ERO1A: variants seen among roughly 807,000 people sequenced by gnomAD.
The protein encoded by ERO1A is endoplasmic reticulum oxidoreductase 1 alpha, also known as ERO1-like protein alpha.
In ERO1A, 49 loss-of-function variants were observed where a neutral mutation model predicts 76.9. The ratio of observed to expected loss-of-function variants is 0.64; its 90% CI spans 0.51 to 0.81. The LOEUF (loss-of-function observed/expected upper bound fraction) is 0.81, where lower values mean the gene tolerates loss of function less well. ERO1A is among the 30% of genes least tolerant of loss of function. The pLI is 0.00. For missense variants in ERO1A, 448 were observed against 542.1 expected, an observed-to-expected ratio of 0.83 and a Z score of 1.72; for synonymous variants, 174 against 181.2, an observed-to-expected ratio of 0.96 and a Z score of 0.32.
rs111544997 is a variant in ERO1A at position 52,670,520 on chromosome 14, C to T, written c.508+1110G>A. Among the ~76,000 whole-genome samples the T allele has an allele frequency of 6.2e-3, 947 of 152,306 alleles. 9 individuals carry two copies. The highest frequency in any genetic ancestry group is 0.022 in the African/African-American group (905 of 41,556). ...TCAGCCTCCTGAGTAGCTGGGATTACAGGCATGAACCACTGTGCCACGATC... is the reference window on the plus strand; with the variant it reads ...TCAGCCTCCTGAGTAGCTGGGATTATAGGCATGAACCACTGTGCCACGATC... On this transcript the variant is annotated intron_variant, in intron 6 of 15. Transcript: ENST00000395686.
intron 6 of ERO1A, among the ~76,000 whole-genome samples, chr14:52,667,497 T>C (rs535931470): frequency 6.6e-6 from 1 of 152,312 alleles, no homozygotes; most frequent in East Asian, 1.9e-4. Context: ...GGGGGCAGAC[T>C]GCTTGAGCCC....
intron 6 of ERO1A, among the ~76,000 whole-genome samples, chr14:52,666,858 G>T (rs563190255): frequency 6.6e-6 from 1 of 152,322 alleles, no homozygotes; most frequent in East Asian, 1.9e-4. Context: ...TTGAACCCGG[G>T]AGGCGGAGGT....
intron 9 of ERO1A, chr14:52,658,642 T>C (rs2040129867): frequency 6.5e-6 from 1 of 153,094 alleles, no homozygotes; most frequent in African/African-American, 2.4e-5. Flanking sequence ...GAAAATGTTA[T>C]AAACACCAAG....
At chr14:52,660,223 C>G (rs545947841) in intron 9 of ERO1A, among the ~76,000 whole-genome samples, 13 of 152,310 alleles carry the variant, frequency 8.5e-5, no homozygotes, top group Middle Eastern at 3.4e-3. Flanking sequence ...TGATAGCTCT[C>G]AGGAATAACC....
intron 3 of ERO1A, 37 bp from the exon 4 acceptor site, chr14:52,678,509 A>T (rs1566644833): frequency 6.6e-7 from 1 of 1,519,134 alleles, no homozygotes. Context: ...GTTGGCATTT[A>T]TTCTATCTTC....
intron 3 of ERO1A, among the ~76,000 whole-genome samples, chr14:52,679,906 G>T (rs1225415943): frequency 6.6e-6 from 1 of 151,754 alleles, no homozygotes; most frequent in Non-Finnish European, 1.5e-5. Flanking sequence ...CAAAAAATTA[G>T]CTGGGCATGA....
At chr14:52,664,552 ATTAAC>A (rs2040338484) in intron 7 of ERO1A, among the ~76,000 whole-genome samples, 1 of 152,228 alleles carries the variant, frequency 6.6e-6, no homozygotes, top group Admixed American at 6.5e-5. Context: ...ACACAATATA[ATTAAC>A]TTAGCCCTTT....
intron 1 of ERO1A, among the ~76,000 whole-genome samples, chr14:52,687,830 T>G (rs2041227011): frequency 6.6e-6 from 1 of 152,112 alleles, no homozygotes; most frequent in Non-Finnish European, 1.5e-5. Context: ...AAGGCCCCAG[T>G]TGAGGAACAG....
intron 1 of ERO1A, among the ~76,000 whole-genome samples, chr14:52,689,057 G>A (rs535765914): frequency 2.8e-4 from 42 of 152,264 alleles, no homozygotes; most frequent in African/African-American, 9.6e-4. Flanking sequence ...CCAGGTGCAA[G>A]AGACTCTCCT....
At chr14:52,649,797 G>A (rs1217809462) in intron 13 of ERO1A, among the ~76,000 whole-genome samples, 2 of 152,144 alleles carry the variant, frequency 1.3e-5, no homozygotes, top group African/African-American at 4.8e-5. Flanking sequence ...GCTTCAAGTA[G>A]GAGGTAGATG....
chr14:52,684,050 AT>A, intron 1 of ERO1A, 143 bp from the exon 2 acceptor site: 1 of 546,988 alleles, frequency 1.8e-6, no homozygotes, highest in South Asian at 3.0e-5. Flanking sequence ...GAGATGGGGT[AT>A]GACAATAATC....
intron 9 of ERO1A, among the ~76,000 whole-genome samples, chr14:52,660,854 T>A (rs2040207938): frequency 6.6e-6 from 1 of 152,202 alleles, no homozygotes; most frequent in Admixed American, 6.5e-5. Flanking sequence ...TTAGCATTAG[T>A]TAGACTTGGC....
intron 1 of ERO1A, among the ~76,000 whole-genome samples, chr14:52,684,988 T>C (rs1163261467): frequency 6.6e-6 from 1 of 152,148 alleles, no homozygotes; most frequent in Non-Finnish European, 1.5e-5. Flanking sequence ...AAGAGATCTT[T>C]ATACTTTGGT....
intron 11 of ERO1A, among the ~76,000 whole-genome samples, chr14:52,655,187 A>G (rs911075913): frequency 5.9e-5 from 9 of 152,234 alleles, no homozygotes; most frequent in Non-Finnish European, 1.3e-4. Flanking sequence ...CAACATGGTG[A>G]AACCCCACCT....
At chr14:52,667,102 A>G (rs887456925) in intron 6 of ERO1A, among the ~76,000 whole-genome samples, 8 of 152,238 alleles carry the variant, frequency 5.3e-5, no homozygotes, top group Admixed American at 5.2e-4. Context: ...AGAATATAAC[A>G]TACATTTCCC....
At chr14:52,663,513 T>C (rs910421667) in intron 8 of ERO1A, among the ~76,000 whole-genome samples, 3 of 149,960 alleles carry the variant, frequency 2.0e-5, no homozygotes, top group Non-Finnish European at 3.0e-5. Context: ...GGCAGGAGAA[T>C]GGCGTGAACC....
chr14:52,650,066 A>T (rs961951076), intron 13 of ERO1A, among the ~76,000 whole-genome samples: 2 of 151,986 alleles, frequency 1.3e-5, no homozygotes, highest in Non-Finnish European at 2.9e-5. Flanking sequence ...AAAAATTTTA[A>T]AAGTTAGCAG....
At position 52,643,027 on chromosome 14, in the gene ERO1A, TAAGTA is replaced by T. The variant is rs2039527166; in HGVS notation, c.*538_*542del. On this transcript the variant is annotated 3_prime_UTR_variant, in exon 16 of 16. Transcript: ENST00000395686. ...ATTTCAAACAAATAATTTTTTAGTA[TAAGTA>T]TTTTCCAAATATTCCATGTAAAATA... 2.0e-5 allele frequency: 3 copies of T among 152,446 alleles called. No homozygotes were observed. Among genetic ancestry groups the T allele is most frequent in the Admixed American group, 6.5e-5 (1 of 15,280 alleles). 9.4% of individuals were successfully genotyped at this position (152,446 alleles called of 1,614,324 possible). A position where few individuals can be genotyped will look rare whatever the true frequency, so the allele number is the denominator to read the frequency against.
intron 6 of ERO1A, among the ~76,000 whole-genome samples, chr14:52,670,067 A>G (rs2040545629): frequency 6.6e-6 from 1 of 152,104 alleles, no homozygotes; most frequent in African/African-American, 2.4e-5. Flanking sequence ...GGCACACACC[A>G]CCAGGCCTGG....
Sources: gnomAD v4.1 joint callset for allele counts (sites outside exome capture counted in the v4.1 genomes callset) on GRCh38, gnomAD v4.1.1 for gene constraint, MANE v1.5 for transcripts, NCBI Gene and HGNC (gene_info 2026-07-23, HGNC 2026-07-21) for gene names.